SUN1: variants seen among roughly 807,000 people sequenced by gnomAD.
SUN1 encodes the protein SUN domain-containing protein 1.
A neutral mutation model predicts 103.2 loss-of-function variants in SUN1; 61 were observed. The observed-to-expected ratio is 0.59, with a 90% CI of 0.48 to 0.73. The LOEUF (loss-of-function observed/expected upper bound fraction) is 0.73, where lower values mean the gene tolerates loss of function less well. Ranked by LOEUF, SUN1 falls within the 30% of genes least tolerant of loss-of-function variation. SUN1 has a pLI of 0.00. For synonymous variants in SUN1, 490 were observed against 425.7 expected, an observed-to-expected ratio of 1.15 and a Z score of -1.86; for missense variants, 1,052 against 1,034.6, an observed-to-expected ratio of 1.02 and a Z score of -0.23.
intron 15 of SUN1, among the ~76,000 whole-genome samples, chr7:864,065 T>G (rs551033009): frequency 5.9e-5 from 9 of 152,246 alleles, no homozygotes; most frequent in Admixed American, 5.9e-4. Context: ...TTCAAACTTA[T>G]GTATTTTAAT....
intron 1 of SUN1, among the ~76,000 whole-genome samples, chr7:820,443 TTTGC>T (rs1784883921): frequency 6.6e-6 from 1 of 152,346 alleles, no homozygotes. Context: ...CTTTGCTGAG[TTTGC>T]TTGTTAGTTC....
intron 1 of SUN1, among the ~76,000 whole-genome samples, chr7:838,301 G>T (rs1002044734): frequency 6.6e-6 from 1 of 152,256 alleles, no homozygotes; most frequent in African/African-American, 2.4e-5. Context: ...GCTCAAAGCA[G>T]TTGTGAATTG....
At chr7:816,042 C>T (rs1780288758), upstream of SUN1, 1 of 217,754 alleles carries the variant, frequency 4.6e-6, no homozygotes, top group Non-Finnish European at 9.6e-6. Flanking sequence ...AGACCCCTCC[C>T]CCGGATCCAA....
At position 841,979 on chromosome 7, in the gene SUN1, A is replaced by C; in HGVS notation, c.300A>C (p.Ser100=). The C allele has an allele frequency of 6.2e-7, 1 of 1,614,176 alleles. No homozygotes were observed. Among genetic ancestry groups the C allele is most frequent in the Non-Finnish European group, 8.5e-7 (1 of 1,180,040 alleles). ...AACAGCGCAGAAGCACAAACAAATC[A>C]GCTTTTAGTATCAACCACGTGTCAA... is the stretch of plus-strand genomic sequence containing the variant. ...TTKQRRSTNK[S]AFSINHVSRQ... is the part of the protein sequence containing the mutation. Residue 100 remains serine (S), a synonymous_variant, in exon 3 of 19, where the codon TCA becomes TCC. Coordinates refer to ENST00000401592, the MANE Select transcript of SUN1 (RefSeq NM_001130965.3).
chr7:864,509 G>T (rs182997350), intron 15 of SUN1, among the ~76,000 whole-genome samples: 47 of 144,958 alleles, frequency 3.2e-4, no homozygotes, highest in African/African-American at 1.1e-3. Context: ...AGCCGAGATC[G>T]TACCATTGCA....
At chr7:854,308 G>A (rs1273204512) in intron 10 of SUN1, among the ~76,000 whole-genome samples, 4 of 152,314 alleles carry the variant, frequency 2.6e-5, no homozygotes, top group East Asian at 1.9e-4. Flanking sequence ...TGCGCGCAGC[G>A]TCAAACGCTC....
intron 1 of SUN1, among the ~76,000 whole-genome samples, chr7:825,494 G>C (rs1036398282): frequency 1.3e-5 from 2 of 152,168 alleles, no homozygotes; most frequent in African/African-American, 4.8e-5. Flanking sequence ...GTTATTTTTC[G>C]AGAAGTACTA....
intron 7 of SUN1, 69 bp from the exon 8 acceptor site, chr7:852,540 G>A (rs970057646): frequency 2.8e-5 from 44 of 1,593,254 alleles, no homozygotes; most frequent in Admixed American, 2.3e-4. Flanking sequence ...TTATCTAGAG[G>A]GGGAAAACAG....
At chr7:829,625 G>A (rs1368484216), upstream of SUN1, among the ~76,000 whole-genome samples, 2 of 151,452 alleles carry the variant, frequency 1.3e-5, no homozygotes, top group African/African-American at 4.9e-5. Flanking sequence ...CGCTATCTCG[G>A]CTCACTGCAA....
upstream of SUN1, chr7:816,574 C>G (rs1215443931): frequency 2.5e-6 from 1 of 397,466 alleles, no homozygotes; most frequent in East Asian, 1.4e-4. Flanking sequence ...GTTGCTCCCG[C>G]CCTCGGCCCG....
In SUN1 at chr7:832,555, C is replaced by T. The variant is rs1798925249; in HGVS notation, c.31C>T (p.Pro11Ser). The T allele has an allele frequency of 6.2e-7, 1 of 1,613,402 alleles. No individual in the cohort carries two copies. The highest frequency in any genetic ancestry group is 8.5e-7 in the Non-Finnish European group (1 of 1,179,668). MDFSRLHMYSPPQCVPENTGY... is the reference protein window; with the variant it reads MDFSRLHMYSSPQCVPENTGY... ...TTTTTCTCGGCTTCACATGTACAGT[C>T]CTCCCCAGTGTGTGCCGGAGAACAC... The change falls in exon 1 of 19, where the codon CCT becomes TCT. Residue 11 changes from proline to serine, a missense_variant. By Grantham distance (74) the Pro-to-Ser change is moderately conservative (BLOSUM62 -1). Around this residue, in one of 2 missense-constraint regions of SUN1, gnomAD observed 846 missense variants for 774.5 expected, o/e 1.09. Coordinates refer to ENST00000401592, the MANE Select transcript of SUN1 (RefSeq NM_001130965.3).
At chr7:848,601 G>A (rs777510942) in intron 5 of SUN1, 2 of 1,337,896 alleles carry the variant, frequency 1.5e-6, no homozygotes, top group South Asian at 2.4e-5. Flanking sequence ...AAGTCAAAAA[G>A]CCATGAATCA....
intron 1 of SUN1, among the ~76,000 whole-genome samples, chr7:820,500 T>G (rs1230238074): frequency 1.3e-5 from 2 of 152,204 alleles, no homozygotes; most frequent in Non-Finnish European, 2.9e-5. Flanking sequence ...TTTCTAGATA[T>G]GAGATCATGT....
chr7:873,186 T>TG, intron 18 of SUN1, 29 bp from the exon 19 acceptor site: 1 of 1,588,894 alleles, frequency 6.3e-7, no homozygotes, highest in Non-Finnish European at 8.6e-7. Context: ...ATGAAATACA[T>TG]GTGTGTGTTT....
chr7:853,573 G>A lies in SUN1; in HGVS notation c.1218G>A (p.Gly406=), dbSNP rs1485921417. Residue 406 remains glycine, a synonymous_variant, in exon 10 of 19, where the codon GGG becomes GGA. Coordinates refer to ENST00000401592, the MANE Select transcript of SUN1 (RefSeq NM_001130965.3). The part of the protein sequence containing the change: ...RVDQMEGGAA[G]PSASVRDAVG... ...ACCAGATGGAAGGCGGCGCTGCCGG[G>A]CCGTCAGCTTCGGTCAGAGACGCTG... The A allele has an allele frequency of 6.2e-7, 1 of 1,609,660 alleles. No homozygotes were observed. Among genetic ancestry groups the A allele is most frequent in the Non-Finnish European group, 8.5e-7 (1 of 1,179,980 alleles).
At chr7:815,707 C>T (rs1780153228), upstream of SUN1, among the ~76,000 whole-genome samples, 1 of 152,268 alleles carries the variant, frequency 6.6e-6, no homozygotes, top group Admixed American at 6.5e-5. Flanking sequence ...AGAGAACCTG[C>T]GAATTCCACG....
chr7:843,985 GAGAACCT>G, intron 5 of SUN1: 1 of 762,130 alleles, frequency 1.3e-6, no homozygotes, highest in Non-Finnish European at 1.6e-6. Context: ...GGGGCCTTCA[GAGAACCT>G]GTAGGTCTGG....
At position 869,333 on chromosome 7, in the gene SUN1, T is replaced by C. The variant is rs1038560913; in HGVS notation, c.1981-16T>C. The C allele has an allele frequency of 1.2e-6, 2 of 1,611,312 alleles. No homozygotes were observed. The highest frequency in any genetic ancestry group is 2.7e-5 in the African/African-American group (2 of 74,848). On this transcript the variant is annotated splice_polypyrimidine_tract_variant and intron_variant, in intron 16 of 18. Transcript: ENST00000401592. ...CATGCTCACACTCTGAGTCCTCATGTTTTTCCTTTCCCCAGCCTGACATTT... is the reference window on the plus strand; with the variant it reads ...CATGCTCACACTCTGAGTCCTCATGCTTTTCCTTTCCCCAGCCTGACATTT...
chr7:832,571 C>T lies in SUN1; in HGVS notation c.47C>T (p.Pro16Leu), dbSNP rs377456170. ...ATGTACAGTCCTCCCCAGTGTGTGC[C>T]GGAGAACACGGGCTACACGTATGCG... is the stretch of plus-strand genomic sequence containing the variant. ...LHMYSPPQCVPENTGYTYALS... is the reference protein window; with the variant it reads ...LHMYSPPQCVLENTGYTYALS... The change falls in exon 1 of 19, where the codon CCG becomes CTG. Residue 16 changes from proline to leucine, a missense_variant. By Grantham distance (98) the Pro-to-Leu change is moderately conservative. Transcript: ENST00000401592. 1.4e-5 allele frequency: 23 copies of T among 1,612,624 alleles called. No homozygotes were observed. Among genetic ancestry groups the T allele is most frequent in the South Asian group, 2.2e-5 (2 of 90,740 alleles).
Sources: allele counts gnomAD v4.1 joint callset (sites outside exome capture counted in the v4.1 genomes callset), GRCh38; gene constraint gnomAD v4.1.1; regional missense constraint gnomAD v4.1.1; transcripts MANE v1.5; gene names NCBI Gene and HGNC (gene_info 2026-07-23, HGNC 2026-07-21).